TMEM117: variants seen among roughly 807,000 people sequenced by gnomAD.
TMEM117 encodes transmembrane protein 117.
A neutral mutation model predicts 52.4 loss-of-function variants in TMEM117; 27 were observed. The ratio of observed to expected loss-of-function variants is 0.51; its 90% CI spans 0.38 to 0.71. The LOEUF (loss-of-function observed/expected upper bound fraction) is 0.71. Among genes scored for constraint, TMEM117 ranks in the 30% least tolerant of loss-of-function variants. TMEM117 has a pLI of 0.00. For missense variants in TMEM117, 556 were observed against 630.5 expected (o/e 0.88, Z 1.26); for synonymous variants, 215 against 206.3 (o/e 1.04, Z -0.36).
rs188372439 is a variant in TMEM117 at position 43,949,410 on chromosome 12, G to T, written c.410+5068G>T. ...TGCTCAGTAGCCTGCCAGCACTTGGGAGGTGCTGCATGTGCAGTGTGTTTA... is the reference window on the plus strand; with the variant it reads ...TGCTCAGTAGCCTGCCAGCACTTGGTAGGTGCTGCATGTGCAGTGTGTTTA... On this transcript the variant is annotated intron_variant, in intron 3 of 7. Transcript: ENST00000266534. 2.2e-3 allele frequency among the ~76,000 whole-genome samples: 337 copies of T among 152,326 alleles called. 1 individual carries two copies. The highest frequency in any genetic ancestry group is 7.9e-3 in the African/African-American group (327 of 41,564).
At chr12:44,203,000 GGCTAC>G (rs1949517467) in intron 4 of TMEM117, among the ~76,000 whole-genome samples, 1 of 151,856 alleles carries the variant, frequency 6.6e-6, no homozygotes, top group African/African-American at 2.4e-5. Flanking sequence ...TTGGTATGTT[GGCTAC>G]GCTTGTCTCA....
At chr12:43,869,590 C>T (rs1311174766) in intron 2 of TMEM117, among the ~76,000 whole-genome samples, 6 of 152,198 alleles carry the variant, frequency 3.9e-5, no homozygotes, top group South Asian at 2.1e-4. Flanking sequence ...GGCTTACTCT[C>T]ATTTTCTCCC....
intron 3 of TMEM117, among the ~76,000 whole-genome samples, chr12:44,100,767 G>T (rs73093451): frequency 0.074 from 11,174 of 151,908 alleles, 582 homozygotes; most frequent in Middle Eastern, 0.16. Flanking sequence ...TGCATCTCCA[G>T]TGCTTAATAA....
At position 44,033,653 on chromosome 12, in the gene TMEM117, CAAT is replaced by C. The variant is rs1592458373; in HGVS notation, c.410+89312_410+89314del. On this transcript the variant is annotated intron_variant, in intron 3 of 7. Coordinates refer to ENST00000266534, the MANE Select transcript of TMEM117 (RefSeq NM_032256.3). ...TGTGATTTGGATCTAAACATTTCCT[CAAT>C]GATGGTCATCAGGCTTTTGGATAAT... is the stretch of plus-strand genomic sequence containing the variant. Among the ~76,000 whole-genome samples the C allele has an allele frequency of 2.0e-5, 3 of 152,318 alleles. No homozygotes were observed. In the East Asian group the frequency reaches 5.8e-4, roughly 29 times the overall value.
intron 5 of TMEM117, among the ~76,000 whole-genome samples, chr12:44,279,476 A>G (rs966796802): frequency 4.0e-5 from 6 of 151,064 alleles, no homozygotes; most frequent in African/African-American, 1.2e-4. Context: ...ATCTGAAACT[A>G]TATTTACATC....
rs530720698 is a variant in TMEM117, at chr12:44,303,862, C to T, written c.768+4123C>T. ...AATCTATCCATGTATGAAAATTACA[C>T]TTGTACCCCATAAATTTACACAATT... is the stretch of plus-strand genomic sequence containing the variant. On this transcript the variant is annotated intron_variant, in intron 6 of 7. Transcript: ENST00000266534. 2.0e-5 allele frequency among the ~76,000 whole-genome samples: 3 copies of T among 152,278 alleles called. No individual in the cohort carries two copies. In the South Asian group the frequency reaches 6.2e-4, roughly 32 times the overall value.
chr12:44,242,803 G>A (rs555288989), intron 5 of TMEM117, among the ~76,000 whole-genome samples: 68 of 150,774 alleles, frequency 4.5e-4, no homozygotes, highest in Admixed American at 1.1e-3. Flanking sequence ...TGGGTCAAAT[G>A]GTAGTTTCAT....
chr12:44,019,270 C>T (rs1946419577), intron 3 of TMEM117, among the ~76,000 whole-genome samples: 1 of 151,846 alleles, frequency 6.6e-6, no homozygotes, highest in Non-Finnish European at 1.5e-5. Context: ...CCATCTCAGG[C>T]AAGTCCTGTA....
At chr12:44,276,785 ATAAAT>A (rs200835886) in intron 5 of TMEM117, among the ~76,000 whole-genome samples, 3 of 151,680 alleles carry the variant, frequency 2.0e-5, no homozygotes, top group Admixed American at 6.5e-5. Flanking sequence ...CTAAAAGCTA[ATAAAT>A]TAAATAAATT....
intron 2 of TMEM117, among the ~76,000 whole-genome samples, chr12:43,913,239 G>A (rs1452584970): frequency 6.6e-6 from 1 of 152,146 alleles, no homozygotes; most frequent in Non-Finnish European, 1.5e-5. Flanking sequence ...GGCTTTAAAG[G>A]CATACCTATC....
At chr12:44,179,798 A>G (rs1190525015) in intron 4 of TMEM117, among the ~76,000 whole-genome samples, 1 of 152,224 alleles carries the variant, frequency 6.6e-6, no homozygotes. Flanking sequence ...ATTACTGACT[A>G]TCTTTATCAT....
chr12:44,179,974 G>C (rs532882396), intron 4 of TMEM117, among the ~76,000 whole-genome samples: 1 of 152,024 alleles, frequency 6.6e-6, no homozygotes, highest in African/African-American at 2.4e-5. Flanking sequence ...ACCCCTTAGG[G>C]CCTCAGTGTC....
the TMEM117 span, among the ~76,000 whole-genome samples, chr12:43,825,252 G>T: frequency 6.6e-6 from 1 of 152,202 alleles, no homozygotes; most frequent in Admixed American, 6.5e-5. Flanking sequence ...AAGGGTTGGC[G>T]TAGAAGCAGC....
intron 6 of TMEM117, among the ~76,000 whole-genome samples, chr12:44,323,954 A>G (rs762457008): frequency 2.0e-5 from 3 of 152,100 alleles, no homozygotes; most frequent in Non-Finnish European, 4.4e-5. Flanking sequence ...AACCATTTAC[A>G]TATATAGGAG....
At chr12:43,891,698 C>T (rs546684494) in intron 2 of TMEM117, among the ~76,000 whole-genome samples, 1 of 152,078 alleles carries the variant, frequency 6.6e-6, no homozygotes, top group South Asian at 2.1e-4. Flanking sequence ...AGCTTTCTAA[C>T]TGCTTTCTAG....
chr12:44,251,859 G>A (rs1373967026), intron 5 of TMEM117, among the ~76,000 whole-genome samples: 1 of 152,082 alleles, frequency 6.6e-6, no homozygotes, highest in Non-Finnish European at 1.5e-5. Flanking sequence ...ATGTGGATTG[G>A]ATCAGATCAC....
At chr12:44,165,342 A>G (rs1948951725) in intron 4 of TMEM117, among the ~76,000 whole-genome samples, 1 of 152,210 alleles carries the variant, frequency 6.6e-6, no homozygotes, top group Non-Finnish European at 1.5e-5. Context: ...ACAATTAACA[A>G]AATGATAGAA....
chr12:44,132,581 G>T (rs1273900000), intron 3 of TMEM117, among the ~76,000 whole-genome samples: 2 of 151,842 alleles, frequency 1.3e-5, no homozygotes, highest in Non-Finnish European at 2.9e-5. Flanking sequence ...TTCTTATTAC[G>T]TGCTCCAGAA....
At chr12:44,114,171 C>T (rs985700013) in intron 3 of TMEM117, among the ~76,000 whole-genome samples, 1 of 151,966 alleles carries the variant, frequency 6.6e-6, no homozygotes, top group Admixed American at 6.6e-5. Flanking sequence ...CCGTCTTCTG[C>T]GTCGCTCACG....
Sources: gnomAD v4.1 joint callset for allele counts (sites outside exome capture counted in the v4.1 genomes callset) on GRCh38, gnomAD v4.1.1 for gene constraint, MANE v1.5 for transcripts, NCBI Gene and HGNC (gene_info 2026-07-23, HGNC 2026-07-21) for gene names.